PREX1: variants seen among roughly 807,000 people sequenced by gnomAD.
The protein encoded by PREX1 is phosphatidylinositol 3,4,5-trisphosphate-dependent Rac exchanger 1 protein.
A neutral mutation model predicts 198.3 loss-of-function variants in PREX1; 41 were observed. The ratio of observed to expected loss-of-function variants is 0.21; its 90% CI spans 0.16 to 0.27. The LOEUF (loss-of-function observed/expected upper bound fraction) is 0.27, where lower values mean the gene tolerates loss of function less well. Among genes scored for constraint, PREX1 ranks in the 10% least tolerant of loss-of-function variants. The pLI is 1.00. For synonymous variants in PREX1, 843 were observed against 887.2 expected (o/e 0.95, Z 0.89); for missense variants, 1,620 against 2,200.7 (o/e 0.74, Z 5.28).
At chr20:48,734,038 C>A (rs1302016076) in intron 4 of PREX1, among the ~76,000 whole-genome samples, 1 of 152,228 alleles carries the variant, frequency 6.6e-6, no homozygotes, top group African/African-American at 2.4e-5. Context: ...AGGCGTGAGT[C>A]CCCGCACCTG....
At position 48,708,126 on chromosome 20, in the gene PREX1, A is replaced by C. The variant is rs11905651; in HGVS notation, c.783+134T>G. On this transcript the variant is annotated intron_variant, in intron 6 of 39. Coordinates refer to ENST00000371941, the MANE Select transcript of PREX1 (RefSeq NM_020820.4). The stretch of plus-strand genomic sequence containing the variant: ...GGATTTAATTGAAAAATAATTAAGC[A>C]ATCTTTTGCAAACACTGTAGGCCAA... The C allele has an allele frequency of 6.0e-3, 5,709 of 952,634 alleles. 209 individuals are homozygous for C. In the African/African-American group the frequency reaches 0.084, roughly 14 times the overall value. The allele number at this position is 952,634 out of a possible 1,614,324, so 59.0% of individuals were successfully genotyped here.
chr20:48,692,289 C>A, intron 8 of PREX1: 1 of 186,984 alleles, frequency 5.3e-6, no homozygotes, highest in Non-Finnish European at 1.1e-5. Flanking sequence ...TATGTAAAGC[C>A]ACTTAAACAT....
At chr20:48,675,340 G>A (rs958433466) in intron 14 of PREX1, among the ~76,000 whole-genome samples, 7 of 152,250 alleles carry the variant, frequency 4.6e-5, no homozygotes, top group African/African-American at 7.2e-5. Context: ...CTCCGGAACT[G>A]TGAGAAGTTT....
chr20:48,878,999 AG>A, the PREX1 span, among the ~76,000 whole-genome samples: 1 of 152,380 alleles, frequency 6.6e-6, no homozygotes, highest in Non-Finnish European at 1.5e-5. Flanking sequence ...AGAGCGGTGA[AG>A]CAGGAAGAGG....
In PREX1 at chr20:48,666,344, C is replaced by G. The variant is rs560850318; in HGVS notation, c.1677G>C (p.Gln559His). Residue 559 changes from glutamine (Q) to histidine (H), a missense_variant, in exon 15 of 40, where the codon CAG (glutamine) becomes CAC (histidine). Gln to His is a conservative substitution (Grantham distance 24, BLOSUM62 0). Coordinates refer to ENST00000371941, the MANE Select transcript of PREX1 (RefSeq NM_020820.4). The surrounding 1 kb of genome is among the most constrained non-coding windows in gnomAD (Gnocchi z 4.3). Reference protein sequence around the residue: ...VDWLLAQGDCQTREEAVALGV... With the variant: ...VDWLLAQGDCHTREEAVALGV... ...CGAGCGCCACTGCCTCCTCCCGAGT[C>G]TGGCAGTCTCCCTGGAATGGAACAA... The G allele has an allele frequency of 3.1e-5, 49 of 1,562,758 alleles. No homozygotes were observed. In the South Asian group the frequency reaches 5.5e-4, roughly 18 times the overall value.
chr20:48,763,185 G>A (rs139569442), intron 1 of PREX1, among the ~76,000 whole-genome samples: 14 of 152,328 alleles, frequency 9.2e-5, no homozygotes, highest in African/African-American at 3.1e-4. Context: ...CCTGCATCAC[G>A]GGGGCATGGG....
chr20:48,828,639 C>T (rs1283947039), upstream of PREX1, among the ~76,000 whole-genome samples: 2 of 152,224 alleles, frequency 1.3e-5, no homozygotes, highest in Non-Finnish European at 2.9e-5. Context: ...GCGTGGCGCG[C>T]GCTCGCTCTC....
the PREX1 span, among the ~76,000 whole-genome samples, chr20:48,873,365 G>A: frequency 6.6e-6 from 1 of 152,064 alleles, no homozygotes; most frequent in South Asian, 2.1e-4. Context: ...TTGCTCTACG[G>A]CAGTCTAATC....
chr20:48,744,311 T>C (rs914446652), intron 3 of PREX1, among the ~76,000 whole-genome samples: 1 of 152,144 alleles, frequency 6.6e-6, no homozygotes, highest in East Asian at 1.9e-4. Context: ...CCTCTGAGTC[T>C]GGCCATCAAC....
At chr20:48,737,342 T>C (rs528416126) in intron 3 of PREX1, among the ~76,000 whole-genome samples, 1 of 151,600 alleles carries the variant, frequency 6.6e-6, no homozygotes, top group Non-Finnish European at 1.5e-5. Context: ...TGATGGTCCC[T>C]GACCCCAGGA....
chr20:48,716,250 G>C, intron 5 of PREX1, among the ~76,000 whole-genome samples: 1 of 152,210 alleles, frequency 6.6e-6, no homozygotes, highest in East Asian at 1.9e-4. Context: ...CTAGAAGAGA[G>C]GATGTTGGCG....
chr20:48,753,786 T>G (rs1025419886), intron 1 of PREX1, among the ~76,000 whole-genome samples: 2 of 152,092 alleles, frequency 1.3e-5, no homozygotes, highest in Non-Finnish European at 2.9e-5. Flanking sequence ...CCCAAGACAT[T>G]CAATTGGCAG....
intron 24 of PREX1, 106 bp downstream of exon 24, chr20:48,649,890 T>C (rs2089479507): frequency 1.5e-6 from 2 of 1,320,960 alleles, no homozygotes; most frequent in Non-Finnish European, 2.1e-6. Context: ...CTGATGACCA[T>C]GGAGCCGCCA....
At chr20:48,876,216 C>T in the PREX1 span, among the ~76,000 whole-genome samples, 1 of 152,146 alleles carries the variant, frequency 6.6e-6, no homozygotes, top group African/African-American at 2.4e-5. Flanking sequence ...CTTTCCCCAG[C>T]AGGCTCCCAC....
At chr20:48,719,347 C>T (rs2089975860) in intron 5 of PREX1, among the ~76,000 whole-genome samples, 1 of 152,100 alleles carries the variant, frequency 6.6e-6, no homozygotes, top group Admixed American at 6.5e-5. Context: ...GAGGTTAGTG[C>T]TCACCACACA....
intron 1 of PREX1, among the ~76,000 whole-genome samples, chr20:48,777,496 C>T (rs1359232061): frequency 6.6e-6 from 1 of 152,092 alleles, no homozygotes; most frequent in Non-Finnish European, 1.5e-5. Flanking sequence ...TCCAAGGCTC[C>T]CTAACATCAC....
intron 5 of PREX1, among the ~76,000 whole-genome samples, chr20:48,717,521 A>G (rs1160377552): frequency 6.6e-6 from 1 of 152,108 alleles, no homozygotes; most frequent in African/African-American, 2.4e-5. Context: ...AAGGAAAAGA[A>G]AACAAGAAGC....
At chr20:48,829,564 T>C (rs954609300), upstream of PREX1, among the ~76,000 whole-genome samples, 4 of 152,068 alleles carry the variant, frequency 2.6e-5, no homozygotes, top group African/African-American at 9.7e-5. Context: ...GTAAAGGACA[T>C]GAGATAGGTG....
At chr20:48,756,268 TA>T (rs1294122740) in intron 1 of PREX1, among the ~76,000 whole-genome samples, 1 of 152,126 alleles carries the variant, frequency 6.6e-6, no homozygotes, top group Non-Finnish European at 1.5e-5. Flanking sequence ...CCAGGCTGAT[TA>T]AAACCCTCTC....
Sources: gnomAD v4.1 joint callset for allele counts (sites outside exome capture counted in the v4.1 genomes callset) on GRCh38, gnomAD v4.1.1 for gene constraint, Gnocchi (gnomAD v3.1) non-coding constraint, MANE v1.5 for transcripts, NCBI Gene and HGNC (gene_info 2026-07-23, HGNC 2026-07-21) for gene names.